PI4KA: variants seen among roughly 807,000 people sequenced by gnomAD.
PI4KA encodes the protein phosphatidylinositol 4-kinase alpha.
Under a neutral mutation model 271.4 loss-of-function variants are expected in PI4KA, and 122 were observed. That is an observed-to-expected ratio of 0.45 (90% CI 0.39 to 0.52). PI4KA has a LOEUF of 0.52. PI4KA is among the 20% of genes least tolerant of loss of function. The pLI is 0.00. For missense variants in PI4KA, 1,969 were observed against 2,769.1 expected (o/e 0.71, Z 6.48); for synonymous variants, 1,041 against 1,078.8 (o/e 0.96, Z 0.69).
At position 20,796,257 on chromosome 22, in the gene PI4KA, G is replaced by A. The variant is rs371937790; in HGVS notation, c.2166C>T (p.Asp722=). 216 of 1,613,968 alleles carry A rather than the reference G, an allele frequency of 1.3e-4. No homozygotes were observed. Among genetic ancestry groups the A allele is most frequent in the Middle Eastern group, 3.3e-4 (2 of 6,084 alleles). The change falls in exon 18 of 55, where the codon GAC becomes GAT. Residue 722 remains aspartate (D), a synonymous_variant. Coordinates refer to ENST00000255882, the MANE Select transcript of PI4KA (RefSeq NM_058004.4). Reference sequence around the variant, plus strand: ...TGAGCAGCTCATCCACCAGGTGCTCGTCTTGGATGTTGGCCGCGATGTTGG... The same window carrying A: ...TGAGCAGCTCATCCACCAGGTGCTCATCTTGGATGTTGGCCGCGATGTTGG... The part of the protein sequence containing the change: ...ALANIAANIQ[D]EHLVDELLMN...
chr22:20,856,254 G>C (rs1927584968), intron 1 of PI4KA, among the ~76,000 whole-genome samples: 1 of 151,418 alleles, frequency 6.6e-6, no homozygotes, highest in South Asian at 2.1e-4. Context: ...AGAGGTTGCA[G>C]TGAGCCGAGA....
intron 32 of PI4KA, among the ~76,000 whole-genome samples, chr22:20,738,596 A>G (rs2147269834): frequency 6.6e-6 from 1 of 152,124 alleles, no homozygotes; most frequent in South Asian, 2.1e-4. Context: ...AGAGACAGGG[A>G]GTGAGGACCT....
Position 20,804,394 on chromosome 22 carries a change from T to C in PI4KA, c.1367A>G (p.Glu456Gly). Residue 456 changes from glutamate to glycine, a missense_variant, in exon 12 of 55, where the codon GAA (glutamate) becomes GGA (glycine). By Grantham distance (98) the Glu-to-Gly change is moderately conservative. Coordinates refer to ENST00000255882, the MANE Select transcript of PI4KA (RefSeq NM_058004.4). ...CTCAGATAGCTTGATGCAAAGGTTT[T>C]CTGCACCTTAATTCAAAACCAGAAG... The part of the protein sequence containing the change: ...VWAVKDEQGA[E>G]NLCIKLSEKL... 6.2e-7 allele frequency: 1 copy of C among 1,612,698 alleles called. No individual in the cohort carries two copies. The highest frequency in any genetic ancestry group is 8.5e-7 in the Non-Finnish European group (1 of 1,178,696).
chr22:20,855,866 A>G (rs576728467), intron 1 of PI4KA, among the ~76,000 whole-genome samples: 1 of 152,358 alleles, frequency 6.6e-6, no homozygotes, highest in African/African-American at 2.4e-5. Flanking sequence ...ACTAATAGTT[A>G]CAGGATTGAG....
At chr22:20,799,883 C>T (rs1935199632) in intron 14 of PI4KA, 117 bp from the exon 15 acceptor site, 2 of 628,236 alleles carry the variant, frequency 3.2e-6, no homozygotes, top group Non-Finnish European at 2.7e-6. Flanking sequence ...GAATTTTCTT[C>T]CCCCCAAATT....
chr22:20,791,993 C>T (rs369955985), intron 19 of PI4KA, among the ~76,000 whole-genome samples: 8 of 151,930 alleles, frequency 5.3e-5, no homozygotes, highest in South Asian at 2.1e-4. Context: ...CCCAGGTACT[C>T]GGGAGACTGA....
chr22:20,780,642 G>T (rs907099290), intron 19 of PI4KA, among the ~76,000 whole-genome samples: 1 of 151,964 alleles, frequency 6.6e-6, no homozygotes, highest in Non-Finnish European at 1.5e-5. Flanking sequence ...TGGGCCTGGC[G>T]GTGGGTGCCT....
At chr22:20,800,389 T>C (rs1215111213) in intron 14 of PI4KA, among the ~76,000 whole-genome samples, 1 of 151,950 alleles carries the variant, frequency 6.6e-6, no homozygotes, top group South Asian at 2.1e-4. Flanking sequence ...AGAACAAGAG[T>C]CCACAGTGCA....
intron 19 of PI4KA, among the ~76,000 whole-genome samples, chr22:20,775,682 G>A (rs765733516): frequency 2.0e-5 from 3 of 152,038 alleles, no homozygotes; most frequent in Non-Finnish European, 4.4e-5. Flanking sequence ...TAGAGATGAG[G>A]TCTTGCTATG....
chr22:20,835,909 A>G (rs1924802700), intron 2 of PI4KA, among the ~76,000 whole-genome samples: 2 of 151,572 alleles, frequency 1.3e-5, no homozygotes, highest in Admixed American at 1.3e-4. Context: ...TTAGCCAGGC[A>G]TGGTGGTGGG....
intron 14 of PI4KA, among the ~76,000 whole-genome samples, chr22:20,800,698 TAAA>T (rs61390860): frequency 5.9e-5 from 7 of 119,426 alleles, no homozygotes; most frequent in African/African-American, 1.9e-4. Context: ...CCATCTCTAC[TAAA>T]AAAAAAAAAA....
At chr22:20,783,037 G>A (rs1050400257) in intron 19 of PI4KA, among the ~76,000 whole-genome samples, 2 of 152,186 alleles carry the variant, frequency 1.3e-5, no homozygotes, top group Non-Finnish European at 2.9e-5. Flanking sequence ...ATAACAAAAC[G>A]CACACAACTT....
At chr22:20,843,527 A>G (rs539434038) in intron 1 of PI4KA, among the ~76,000 whole-genome samples, 20 of 152,166 alleles carry the variant, frequency 1.3e-4, no homozygotes, top group Non-Finnish European at 2.6e-4. Context: ...AAGAAAAGAA[A>G]TACAGAATAT....
chr22:20,716,595 G>A (rs1489946890), intron 45 of PI4KA, among the ~76,000 whole-genome samples: 1 of 152,084 alleles, frequency 6.6e-6, no homozygotes, highest in African/African-American at 2.4e-5. Flanking sequence ...TCACACTCAG[G>A]CCCCTCTGTG....
At chr22:20,836,037 G>A (rs549956609) in intron 2 of PI4KA, among the ~76,000 whole-genome samples, 47 of 144,004 alleles carry the variant, frequency 3.3e-4, no homozygotes, top group Non-Finnish European at 6.5e-4. Context: ...GGGCGACAGA[G>A]AGAGACTCCA....
At chr22:20,773,279 C>T (rs972034626) in intron 19 of PI4KA, among the ~76,000 whole-genome samples, 2 of 134,182 alleles carry the variant, frequency 1.5e-5, no homozygotes, top group Admixed American at 1.6e-4. Context: ...CTCAGCCACT[C>T]AGGAGGCTGA....
At chr22:20,724,206 G>C (rs1331246592) in intron 42 of PI4KA, among the ~76,000 whole-genome samples, 1 of 152,024 alleles carries the variant, frequency 6.6e-6, no homozygotes, top group Non-Finnish European at 1.5e-5. Context: ...TTGGGAGGCT[G>C]AGGCAGGAAA....
chr22:20,818,528 G>C lies in PI4KA; in HGVS notation c.811C>G (p.Pro271Ala). The C allele has an allele frequency of 6.4e-7, 1 of 1,560,480 alleles. No individual in the cohort carries two copies. Among genetic ancestry groups the C allele is most frequent in the Non-Finnish European group, 8.6e-7 (1 of 1,159,594 alleles). Residue 271 changes from proline (P) to alanine (A), a missense_variant, in exon 7 of 55, where the codon CCC becomes GCC. Around this residue, in one of 13 missense-constraint regions of PI4KA, gnomAD observed 540 missense variants for 555.5 expected, o/e 0.97. Transcript: ENST00000255882. ...ISQVSPERGM[P>A]PPSSPGGSAF... ...GATCCTCCAGGGGAACTGGGAGGGG[G>C]CATGCCGCGTTCAGGGCTGACCTGA...
At chr22:20,810,250 T>C (rs1206616173) in intron 9 of PI4KA, among the ~76,000 whole-genome samples, 1 of 152,132 alleles carries the variant, frequency 6.6e-6, no homozygotes, top group Non-Finnish European at 1.5e-5. Flanking sequence ...CTCACGCCTG[T>C]AATCCCAGCA....
Sources: gnomAD v4.1 joint callset for allele counts (sites outside exome capture counted in the v4.1 genomes callset) on GRCh38, gnomAD v4.1.1 for gene constraint, gnomAD v4.1.1 regional missense constraint, MANE v1.5 for transcripts, NCBI Gene and HGNC (gene_info 2026-07-23, HGNC 2026-07-21) for gene names.